The following CCDC91 variants were observed in gnomAD, a reference collection of about 807,000 sequenced individuals.
CCDC91 encodes coiled-coil domain containing 91.
Under a neutral mutation model 63.2 loss-of-function variants are expected in CCDC91, and 48 were observed. The observed-to-expected ratio is 0.76, with a 90% CI of 0.60 to 0.97. The LOEUF is 0.97. CCDC91 is among the 50% of genes least tolerant of loss of function. The pLI is 0.00. For synonymous variants in CCDC91, 167 were observed against 165.8 expected, an observed-to-expected ratio of 1.01 and a Z score of -0.06; for missense variants, 500 against 494.6, an observed-to-expected ratio of 1.01 and a Z score of -0.10.
rs938075472 is a variant in CCDC91 at position 28,506,330 on chromosome 12, C to A, written c.1215+22165C>A. On this transcript the variant is annotated intron_variant, in intron 12 of 12. Coordinates refer to ENST00000536442, the MANE Select transcript of CCDC91 (RefSeq NM_018318.5). Reference sequence around the variant, plus strand: ...ATGAAAAATAAACTGGCCAGGGCACCATTACTAGGAATGAACAAAACTAAC... The same window carrying A: ...ATGAAAAATAAACTGGCCAGGGCACAATTACTAGGAATGAACAAAACTAAC... 7.9e-5 allele frequency among the ~76,000 whole-genome samples: 12 copies of A among 151,886 alleles called. 1 individual carries two copies. The highest frequency in any genetic ancestry group is 2.9e-4 in the African/African-American group (12 of 41,422).
chr12:28,411,089 T>C (rs1349329872), intron 8 of CCDC91, among the ~76,000 whole-genome samples: 1 of 152,208 alleles, frequency 6.6e-6, no homozygotes, highest in Non-Finnish European at 1.5e-5. Flanking sequence ...TGTGTGGTAA[T>C]GCATAACAAC....
At chr12:28,431,453 T>C (rs1948621053) in intron 8 of CCDC91, among the ~76,000 whole-genome samples, 1 of 152,176 alleles carries the variant, frequency 6.6e-6, no homozygotes, top group African/African-American at 2.4e-5. Context: ...TGTTATTTTG[T>C]AGTGATGTCT....
chr12:28,351,446 G>A (rs1003565086), intron 6 of CCDC91, among the ~76,000 whole-genome samples: 7 of 152,204 alleles, frequency 4.6e-5, no homozygotes, highest in African/African-American at 1.7e-4. Flanking sequence ...CATGACTACA[G>A]TTTGGTGAGT....
chr12:28,396,684 ATGTG>A (rs1319461387), intron 8 of CCDC91, among the ~76,000 whole-genome samples: 4 of 149,462 alleles, frequency 2.7e-5, no homozygotes, highest in Non-Finnish European at 4.5e-5. Context: ...GTGTGTGGGC[ATGTG>A]TGTGTGTGTT....
chr12:28,331,465 C>T (rs557189339), intron 6 of CCDC91, among the ~76,000 whole-genome samples: 5 of 152,218 alleles, frequency 3.3e-5, no homozygotes, highest in East Asian at 3.9e-4. Context: ...TTGCCTTAAG[C>T]CCTTTTGAAA....
At chr12:28,359,943 T>C (rs1943770309) in intron 6 of CCDC91, among the ~76,000 whole-genome samples, 1 of 152,192 alleles carries the variant, frequency 6.6e-6, no homozygotes, top group South Asian at 2.1e-4. Flanking sequence ...TGAGTTTTAG[T>C]GATGTCCTCA....
intron 1 of CCDC91, among the ~76,000 whole-genome samples, chr12:28,249,968 A>T (rs1946011897): frequency 6.6e-6 from 1 of 152,142 alleles, no homozygotes; most frequent in South Asian, 2.1e-4. Context: ...GGAATGTATG[A>T]CTGGCCCCTG....
chr12:28,387,971 C>G (rs1250677305), intron 7 of CCDC91, among the ~76,000 whole-genome samples: 2 of 152,126 alleles, frequency 1.3e-5, no homozygotes, highest in Non-Finnish European at 2.9e-5. Context: ...ACGCTGTTTT[C>G]CATAGTGGTT....
At chr12:28,439,189 T>C (rs1285137156) in intron 8 of CCDC91, among the ~76,000 whole-genome samples, 2 of 152,150 alleles carry the variant, frequency 1.3e-5, no homozygotes, top group Non-Finnish European at 2.9e-5. Context: ...TATTATAGTT[T>C]TATGTTTTAT....
intron 3 of CCDC91, chr12:28,304,852 A>G (rs1217714364): frequency 3.5e-6 from 1 of 286,352 alleles, no homozygotes; most frequent in African/African-American, 2.2e-5. Context: ...TATATGTACG[A>G]CATGTTTATC....
intron 1 of CCDC91, among the ~76,000 whole-genome samples, chr12:28,252,513 T>A (rs1946191135): frequency 1.3e-5 from 2 of 151,996 alleles, no homozygotes; most frequent in Non-Finnish European, 1.5e-5. Context: ...TTATTTTCTA[T>A]CCGGCAGTTT....
intron 8 of CCDC91, among the ~76,000 whole-genome samples, chr12:28,414,761 A>G (rs1157399200): frequency 6.6e-6 from 1 of 152,166 alleles, no homozygotes; most frequent in African/African-American, 2.4e-5. Flanking sequence ...TCTGCTTGGG[A>G]AGAACAGAAA....
At position 28,205,638 on chromosome 12, in the gene CCDC91, G is replaced by A. The variant is rs1408839016; in HGVS notation, c.-15+14997G>A. Among the ~76,000 whole-genome samples the A allele has an allele frequency of 2.6e-5, 4 of 152,296 alleles. No homozygotes were observed. The East Asian group carries it at 7.7e-4, about 29-fold the overall frequency. Reference sequence around the variant, plus strand: ...GAAATGACATACAGCAATTGGAAGTGAGGTATAGAACATTTGGATTGGTTC... The same window carrying A: ...GAAATGACATACAGCAATTGGAAGTAAGGTATAGAACATTTGGATTGGTTC... On this transcript the variant is annotated intron_variant, in intron 1 of 12. Coordinates refer to ENST00000536442, the MANE Select transcript of CCDC91 (RefSeq NM_018318.5).
At chr12:28,223,897 T>G (rs1389744338) in intron 1 of CCDC91, among the ~76,000 whole-genome samples, 2 of 152,220 alleles carry the variant, frequency 1.3e-5, no homozygotes, top group Non-Finnish European at 2.9e-5. Flanking sequence ...TTATTTCTCT[T>G]GAAACTCAGG....
At chr12:28,343,866 T>A (rs1942616933) in intron 6 of CCDC91, among the ~76,000 whole-genome samples, 1 of 152,134 alleles carries the variant, frequency 6.6e-6, no homozygotes, top group African/African-American at 2.4e-5. Flanking sequence ...ACACTATGCA[T>A]TATTCTAACA....
rs1190854596 is a variant in CCDC91 at position 28,518,475 on chromosome 12, C to T, written c.1216-30588C>T. 1.3e-4 allele frequency among the ~76,000 whole-genome samples: 18 copies of T among 138,078 alleles called. No homozygotes were observed. In the East Asian group the frequency reaches 3.5e-3, roughly 27 times the overall value. The allele number at this position is 138,078 out of a possible 152,430, so 90.6% of individuals were successfully genotyped here. On this transcript the variant is annotated intron_variant, in intron 12 of 12. Transcript: ENST00000536442. ...ATTCTTTTGATAATTGTGTAAAGTCCTTAGCCCACTTTTTGATGGGATTCT... is the reference window on the plus strand; with the variant it reads ...ATTCTTTTGATAATTGTGTAAAGTCTTTAGCCCACTTTTTGATGGGATTCT...
intron 4 of CCDC91, 45 bp from the exon 5 acceptor site, chr12:28,306,697 T>C (rs1405225003): frequency 7.4e-7 from 1 of 1,359,616 alleles, no homozygotes; most frequent in East Asian, 2.3e-5. Flanking sequence ...ATTGGTATAG[T>C]GTAAACTTTC....
At chr12:28,397,083 G>A (rs1238434403) in intron 8 of CCDC91, among the ~76,000 whole-genome samples, 1 of 152,124 alleles carries the variant, frequency 6.6e-6, no homozygotes, top group Non-Finnish European at 1.5e-5. Flanking sequence ...TAAGGGATAG[G>A]CTAAGACAGC....
At chr12:28,215,813 G>C (rs1169130320) in intron 1 of CCDC91, among the ~76,000 whole-genome samples, 5 of 152,114 alleles carry the variant, frequency 3.3e-5, no homozygotes, top group Middle Eastern at 3.4e-3. Flanking sequence ...CAATATATTT[G>C]GTAATTCTCA....
Sources: gnomAD v4.1 joint callset for allele counts (sites outside exome capture counted in the v4.1 genomes callset) on GRCh38, gnomAD v4.1.1 for gene constraint, MANE v1.5 for transcripts, NCBI Gene and HGNC (gene_info 2026-07-23, HGNC 2026-07-21) for gene names.